Variants in RNF213 observed in about 807,000 individuals in gnomAD.
RNF213 encodes the protein ring finger protein 213.
RNF213 carries 341 observed loss-of-function variants against 514.4 expected under a neutral mutation model. That is an observed-to-expected ratio of 0.66 (90% confidence interval 0.61 to 0.73). The LOEUF (loss-of-function observed/expected upper bound fraction) is 0.73. Ranked by LOEUF, RNF213 falls within the 30% of genes least tolerant of loss-of-function variation. The pLI, the probability that RNF213 is intolerant of heterozygous loss-of-function variation, is 0.00. For synonymous variants in RNF213, 2,655 were observed against 2,658.2 expected, an observed-to-expected ratio of 1.00 and a Z score of 0.04; for missense variants, 5,767 against 6,615.6, an observed-to-expected ratio of 0.87 and a Z score of 4.45.
In RNF213 at chr17:80,353,895, T is replaced by G. The variant is rs2078628809; in HGVS notation, c.10579-124T>G. ...AGGGCGGAGGTCGGCGTCTCTTCTT[T>G]GTCCGTGAGGACCGCCGCCCTGTGC... On this transcript the variant is annotated intron_variant, in intron 34 of 67. Coordinates refer to ENST00000582970, the MANE Select transcript of RNF213 (RefSeq NM_001256071.3). This position sits in a 1 kb window ranked among gnomAD's most constrained non-coding sequence, Gnocchi z 5.0. 1 of 1,362,514 alleles carries G rather than the reference T, an allele frequency of 7.3e-7. No homozygotes were observed. The highest frequency in any genetic ancestry group is 1.9e-5 in the Admixed American group (1 of 52,822). 84.4% of individuals were successfully genotyped at this position (1,362,514 alleles called of 1,614,324 possible).
At chr17:80,379,856 C>A in intron 55 of RNF213, 142 bp downstream of exon 55, 1 of 738,920 alleles carries the variant, frequency 1.4e-6, no homozygotes, top group East Asian at 2.8e-5. Flanking sequence ...ATAGCAATGC[C>A]AAAGTCCCAG....
intron 2 of RNF213, among the ~76,000 whole-genome samples, chr17:80,270,162 G>T (rs754436833): frequency 1.6e-4 from 24 of 152,216 alleles, no homozygotes; most frequent in Non-Finnish European, 2.9e-5. Flanking sequence ...CGCATGCCTT[G>T]CTACTTTCAT....
intron 65 of RNF213, 86 bp from the exon 66 acceptor site, chr17:80,389,742 T>G (rs1026061467): frequency 9.2e-7 from 1 of 1,091,676 alleles, no homozygotes; most frequent in Non-Finnish European, 1.4e-6. Context: ...AATGCCTGTG[T>G]GGAGAGCACT....
Position 80,288,820 on chromosome 17 carries a change from A to C in RNF213, c.933+65A>C. 1 of 1,611,792 alleles carries C rather than the reference A, an allele frequency of 6.2e-7. No individual in the cohort carries two copies. On this transcript the variant is annotated intron_variant, in intron 5 of 67. Coordinates refer to ENST00000582970, the MANE Select transcript of RNF213 (RefSeq NM_001256071.3). The surrounding 1 kb of genome is among the most constrained non-coding windows in gnomAD (Gnocchi z 4.9). ...TCCTGCCCACGGCTGCGCCTCTTTC[A>C]TTTAATTATTCAGCAAATATTTAAG...
Position 80,344,868 on chromosome 17 carries a change from A to G in RNF213, c.6533A>G (p.Gln2178Arg). The G allele has an allele frequency of 6.2e-7, 1 of 1,614,216 alleles. No homozygotes were observed. Among genetic ancestry groups the G allele is most frequent in the South Asian group, 1.1e-5 (1 of 91,086 alleles). ...TATTTAAGACGATTCAATCAAAACC[A>G]AGACCTAGACACGTTTCAGTATCAA... is the stretch of plus-strand genomic sequence containing the variant. ...YQYLRRFNQN[Q>R]DLDTFQYQEG... The change falls in exon 29 of 68, where the codon CAA becomes CGA. Residue 2178 changes from glutamine to arginine, a missense_variant. Gln to Arg is a conservative substitution (Grantham distance 43). This residue lies in a region of RNF213 where 1,377 missense variants were observed against 1,635.2 expected (regional missense o/e 0.84). Transcript: ENST00000582970.
rs779131246 is a variant in RNF213 at position 80,289,852 on chromosome 17, G to T, written c.1112+15G>T. The T allele has an allele frequency of 6.2e-7, 1 of 1,600,596 alleles. No individual in the cohort carries two copies. ...GTGAAGGCAAGGTAGGGATGCCCCC[G>T]CAGGGGAGCAAAGGAGACCCTGCCT... On this transcript the variant is annotated intron_variant, in intron 6 of 67. Transcript: ENST00000582970.
intron 3 of RNF213, among the ~76,000 whole-genome samples, chr17:80,283,726 G>A (rs2044377180): frequency 6.6e-6 from 1 of 152,202 alleles, no homozygotes; most frequent in African/African-American, 2.4e-5. Context: ...GGAGGTGGGG[G>A]GTGGTCAGGG....
In RNF213 at chr17:80,343,388, C is replaced by T. The variant is rs62076521; in HGVS notation, c.6183+63C>T. 321 of 1,368,322 alleles carry T rather than the reference C, an allele frequency of 2.3e-4. 1 individual carries two copies. The African/African-American group carries it at 2.5e-3, about 10-fold the overall frequency. 84.8% of individuals were successfully genotyped at this position (1,368,322 alleles called of 1,614,324 possible). On this transcript the variant is annotated intron_variant, in intron 27 of 67. Coordinates refer to ENST00000582970, the MANE Select transcript of RNF213 (RefSeq NM_001256071.3). This position sits in a 1 kb window ranked among gnomAD's most constrained non-coding sequence, Gnocchi z 4.3. ...TAAAGACGTGGTCCCCATGTCTCTG[C>T]GTGACTCCTCCCCGTGTATAGAATT...
intron 56 of RNF213, chr17:80,381,304 A>G (rs1003847194): frequency 2.0e-5 from 12 of 603,204 alleles, no homozygotes; most frequent in Admixed American, 8.1e-5. Flanking sequence ...GAAAGAGCAC[A>G]CTGCATAACC....
intron 29 of RNF213, among the ~76,000 whole-genome samples, chr17:80,348,994 C>T (rs1002665135): frequency 3.9e-5 from 6 of 152,092 alleles, no homozygotes; most frequent in African/African-American, 1.2e-4. Context: ...GTGGAAAAGA[C>T]GGGCCGGTAG....
At chr17:80,278,282 G>C (rs977914407) in intron 3 of RNF213, among the ~76,000 whole-genome samples, 2 of 152,214 alleles carry the variant, frequency 1.3e-5, no homozygotes, top group African/African-American at 4.8e-5. Flanking sequence ...GAGCATGCCC[G>C]CTACAGGGCC....
At chr17:80,389,053 G>A in intron 64 of RNF213, 120 bp from the exon 65 acceptor site, 1 of 944,628 alleles carries the variant, frequency 1.1e-6, no homozygotes, top group Non-Finnish European at 1.7e-6. Flanking sequence ...AGTGTCAGCT[G>A]TTAGAGAGTT....
rs565102144 is a variant in RNF213 at position 80,364,441 on chromosome 17, G to A, written c.11759G>A (p.Trp3920Ter). ...GCGCCCTCTTTTGACAGAGCCCAGT[G>A]GAGTCGGATTTTCTCCACCGCACTC... ...QAVIREVRAQ[W>*]SRIFSTALFV... The change falls in exon 42 of 68, where the codon TGG becomes TAG. Residue 3920 changes from tryptophan to a stop codon, truncating the protein, a stop_gained. Transcript: ENST00000582970. LOFTEE classifies it high-confidence loss of function. 9.9e-6 allele frequency: 16 copies of A among 1,614,178 alleles called. No individual in the cohort carries two copies. The East Asian group carries it at 3.6e-4, about 36-fold the overall frequency.
intron 23 of RNF213, 94 bp from the exon 24 acceptor site, chr17:80,337,492 C>T: frequency 6.8e-7 from 1 of 1,468,476 alleles, no homozygotes; most frequent in Non-Finnish European, 9.1e-7. Context: ...GAAGGCTCTG[C>T]AGCGAGGCAG....
At chr17:80,366,679 A>ATT (rs1250811816) in intron 42 of RNF213, among the ~76,000 whole-genome samples, 23 of 151,508 alleles carry the variant, frequency 1.5e-4, no homozygotes, top group African/African-American at 5.1e-4. Context: ...AAAAAAAAAA[A>ATT]AATCTGTAAA....
chr17:80,383,647 A>C (rs2144616661), intron 58 of RNF213, 30 bp from the exon 59 acceptor site: 1 of 1,613,212 alleles, frequency 6.2e-7, no homozygotes, highest in South Asian at 1.1e-5. Flanking sequence ...CCTCACTTCC[A>C]GAATTTTTTT....
chr17:80,298,739 T>A, intron 11 of RNF213: 1 of 517,510 alleles, frequency 1.9e-6, no homozygotes, highest in South Asian at 2.0e-5. Context: ...CTGAGACGGG[T>A]GGATCACCTG....
At chr17:80,323,704 C>T (rs2046204425) in intron 17 of RNF213, among the ~76,000 whole-genome samples, 1 of 152,138 alleles carries the variant, frequency 6.6e-6, no homozygotes, top group Non-Finnish European at 1.5e-5. Context: ...ATCAACCCGC[C>T]TTGACCTCCC....
intron 17 of RNF213, among the ~76,000 whole-genome samples, chr17:80,323,982 T>C (rs1490680076): frequency 2.0e-5 from 3 of 152,078 alleles, no homozygotes; most frequent in Non-Finnish European, 1.5e-5. Context: ...TGTGTGCGTG[T>C]GTGTGTGTGT....
Sources: allele counts gnomAD v4.1 joint callset (sites outside exome capture counted in the v4.1 genomes callset), GRCh38; gene constraint gnomAD v4.1.1; regional missense constraint gnomAD v4.1.1; non-coding constraint Gnocchi (gnomAD v3.1); transcripts MANE v1.5; gene names NCBI Gene and HGNC (gene_info 2026-07-23, HGNC 2026-07-21).